The following THSD7B variants were observed in gnomAD, a reference collection of about 807,000 sequenced individuals.
THSD7B encodes the protein thrombospondin type 1 domain containing 7B.
A neutral mutation model predicts 213.6 loss-of-function variants in THSD7B; 138 were observed. The observed-to-expected ratio is 0.65, with a 90% CI of 0.56 to 0.74. The LOEUF (loss-of-function observed/expected upper bound fraction) is 0.74. Among genes scored for constraint, THSD7B ranks in the 30% least tolerant of loss-of-function variants. The pLI, the probability that THSD7B is intolerant of heterozygous loss-of-function variation, is 0.00. For missense variants in THSD7B, 1,931 were observed against 1,991.5 expected (o/e 0.97, Z 0.58); for synonymous variants, 742 against 687.0 (o/e 1.08, Z -1.25).
intron 17 of THSD7B, among the ~76,000 whole-genome samples, chr2:137,592,394 T>A (rs1449735775): frequency 2.9e-5 from 4 of 138,972 alleles, no homozygotes; most frequent in African/African-American, 1.1e-4. Context: ...GAAAAGCTAA[T>A]CTTTTTCTAT....
intron 12 of THSD7B, among the ~76,000 whole-genome samples, chr2:137,334,657 C>T (rs16838784): frequency 0.16 from 24,183 of 152,118 alleles, 2,108 homozygotes; most frequent in South Asian, 0.27. Context: ...TGTGTGCTTC[C>T]GGCATTCTTA....
chr2:136,977,549 G>A (rs748990266), intron 2 of THSD7B, among the ~76,000 whole-genome samples: 1 of 152,058 alleles, frequency 6.6e-6, no homozygotes, highest in Non-Finnish European at 1.5e-5. Context: ...TAGTTGTGAT[G>A]TTAAGGAGGT....
chr2:137,125,403 A>G (rs1688614583), intron 5 of THSD7B, among the ~76,000 whole-genome samples: 1 of 152,218 alleles, frequency 6.6e-6, no homozygotes, highest in Non-Finnish European at 1.5e-5. Flanking sequence ...TTCCATCTCA[A>G]GAAACCATCT....
intron 12 of THSD7B, among the ~76,000 whole-genome samples, chr2:137,335,700 C>T (rs1212340246): frequency 6.6e-6 from 1 of 152,076 alleles, no homozygotes; most frequent in African/African-American, 2.4e-5. Flanking sequence ...TATTGCCCTT[C>T]GGCGCACTTT....
chr2:137,307,345 G>A (rs903365506), intron 12 of THSD7B, among the ~76,000 whole-genome samples: 5 of 152,034 alleles, frequency 3.3e-5, no homozygotes, highest in East Asian at 3.9e-4. Context: ...CTCGCAGCCC[G>A]CCCAGAATGA....
At chr2:137,093,610 G>T (rs1687990496) in intron 3 of THSD7B, among the ~76,000 whole-genome samples, 1 of 152,096 alleles carries the variant, frequency 6.6e-6, no homozygotes, top group Non-Finnish European at 1.5e-5. Context: ...TGCCTGAGAA[G>T]CTCCCATTAA....
At chr2:137,139,605 T>C (rs1270530101) in intron 5 of THSD7B, among the ~76,000 whole-genome samples, 2 of 152,144 alleles carry the variant, frequency 1.3e-5, no homozygotes, top group East Asian at 3.9e-4. Flanking sequence ...AATCTTAAAC[T>C]CTCCACACCA....
chr2:137,124,737 C>G (rs1688603286), intron 5 of THSD7B, among the ~76,000 whole-genome samples: 1 of 152,014 alleles, frequency 6.6e-6, no homozygotes. Flanking sequence ...TTTAAATTGA[C>G]AAGTAAAAAT....
intron 2 of THSD7B, among the ~76,000 whole-genome samples, chr2:136,974,821 G>A (rs970231055): frequency 2.0e-5 from 3 of 152,140 alleles, no homozygotes; most frequent in Admixed American, 2.0e-4. Context: ...CACCAACAGT[G>A]TAAAAGCGTT....
At chr2:137,113,700 G>A (rs2104937221) in intron 4 of THSD7B, among the ~76,000 whole-genome samples, 1 of 152,204 alleles carries the variant, frequency 6.6e-6, no homozygotes, top group South Asian at 2.1e-4. Flanking sequence ...GCCTCTCAAA[G>A]TGCTGGGATT....
intron 12 of THSD7B, among the ~76,000 whole-genome samples, chr2:137,397,420 A>G (rs567012728): frequency 6.6e-6 from 1 of 152,084 alleles, no homozygotes; most frequent in Non-Finnish European, 1.5e-5. Flanking sequence ...TCCTTCACTT[A>G]GGAAGCTTAG....
In THSD7B at chr2:137,449,645, A is replaced by T. The variant is rs533633174; in HGVS notation, c.2960-1200A>T. Among the ~76,000 whole-genome samples the T allele has an allele frequency of 6.7e-4, 102 of 152,252 alleles. 1 individual carries two copies. Among genetic ancestry groups the T allele is most frequent in the Non-Finnish European group, 4.4e-5 (3 of 68,024 alleles). ...GCTGACAGCAAGGGGCTGCCCTCAG[A>T]TTCTAGAGGCTGCTTGCAGTTTCCT... is the stretch of plus-strand genomic sequence containing the variant. On this transcript the variant is annotated intron_variant, in intron 14 of 27. Transcript: ENST00000409968.
chr2:137,372,767 T>C (rs956490665), intron 12 of THSD7B, among the ~76,000 whole-genome samples: 10 of 151,954 alleles, frequency 6.6e-5, no homozygotes, highest in Non-Finnish European at 1.5e-4. Context: ...TACATATGTA[T>C]ACATGTGCCA....
intron 20 of THSD7B, among the ~76,000 whole-genome samples, chr2:137,623,977 A>G (rs1466842160): frequency 3.3e-5 from 5 of 152,208 alleles, no homozygotes; most frequent in African/African-American, 1.2e-4. Context: ...GGAAAAAACT[A>G]CTTTAAAGTT....
intron 7 of THSD7B, among the ~76,000 whole-genome samples, chr2:137,204,801 GA>G (rs1319324285): frequency 6.7e-6 from 1 of 149,950 alleles, no homozygotes; most frequent in Non-Finnish European, 1.5e-5. Context: ...ATTTTTCATA[GA>G]TTATGATGTA....
intron 1 of THSD7B, among the ~76,000 whole-genome samples, chr2:136,814,189 A>G (rs1481464606): frequency 6.6e-6 from 1 of 152,202 alleles, no homozygotes; most frequent in African/African-American, 2.4e-5. Context: ...CTAGATGAAG[A>G]TATCTAAATT....
intron 15 of THSD7B, among the ~76,000 whole-genome samples, chr2:137,481,195 G>C (rs1242497290): frequency 1.3e-5 from 2 of 152,142 alleles, no homozygotes; most frequent in African/African-American, 4.8e-5. Context: ...CCCAGTCTCA[G>C]GTATTTCGTT....
At chr2:136,819,691 C>T (rs566273409) in intron 1 of THSD7B, among the ~76,000 whole-genome samples, 3 of 152,054 alleles carry the variant, frequency 2.0e-5, no homozygotes, top group African/African-American at 4.8e-5. Context: ...CTTATGCCCC[C>T]CCCAGTCCAG....
At chr2:137,446,303 T>C (rs1490384708) in intron 14 of THSD7B, among the ~76,000 whole-genome samples, 1 of 152,066 alleles carries the variant, frequency 6.6e-6, no homozygotes, top group Non-Finnish European at 1.5e-5. Flanking sequence ...GAGGTTGTAT[T>C]AATGAGTCCA....
Sources: allele counts gnomAD v4.1 joint callset (sites outside exome capture counted in the v4.1 genomes callset), GRCh38; gene constraint gnomAD v4.1.1; transcripts MANE v1.5; gene names NCBI Gene and HGNC (gene_info 2026-07-23, HGNC 2026-07-21).